The following SYNPO variants were observed in gnomAD, a reference collection of about 807,000 sequenced individuals.
SYNPO encodes the protein synaptopodin.
Under a neutral mutation model 49.5 loss-of-function variants are expected in SYNPO, and 19 were observed. The ratio of observed to expected loss-of-function variants is 0.38; its 90% CI spans 0.27 to 0.56. SYNPO has a LOEUF of 0.56. Ranked by LOEUF, SYNPO falls within the 20% of genes least tolerant of loss-of-function variation. SYNPO has a pLI of 0.68. For missense variants in SYNPO, 1,131 were observed against 1,248.3 expected (o/e 0.91, Z 1.42); for synonymous variants, 536 against 548.0 (o/e 0.98, Z 0.31).
chr5:150,648,199 C>T lies in SYNPO; in HGVS notation c.-77C>T. ...CATGCACCGGGGCTCAGCCTGAGTT[C>T]CACCTCGCTGCCGGAGCCAGGCCCT... On this transcript the variant is annotated 5_prime_UTR_variant, in exon 2 of 3. Coordinates refer to ENST00000307662, the MANE Select transcript of SYNPO (RefSeq NM_007286.6). The surrounding 1 kb of genome is among the most constrained non-coding windows in gnomAD (Gnocchi z 5.0). 5.7e-6 allele frequency: 9 copies of T among 1,590,748 alleles called. No homozygotes were observed. Among genetic ancestry groups the T allele is most frequent in the Non-Finnish European group, 7.7e-6 (9 of 1,168,224 alleles).
Position 150,649,201 on chromosome 5 carries a change from G to T in SYNPO, c.926G>T (p.Arg309Ile), listed in dbSNP as rs773821500. The T allele has an allele frequency of 6.2e-7, 1 of 1,614,126 alleles. No individual in the cohort carries two copies. Among genetic ancestry groups the T allele is most frequent in the Non-Finnish European group, 8.5e-7 (1 of 1,180,016 alleles). ...MMGQRSPASE[R>I]RPLGNFTAPP... The stretch of plus-strand genomic sequence containing the variant: ...GGGCAGCGAAGCCCGGCCTCAGAGA[G>T]ACGCCCCTTGGGGAACTTCACTGCA... The change falls in exon 2 of 3, where the codon AGA becomes ATA. Residue 309 changes from arginine to isoleucine, a missense_variant. Around this residue, in one of 4 missense-constraint regions of SYNPO, gnomAD observed 602 missense variants for 720.7 expected, o/e 0.84. Coordinates refer to ENST00000307662, the MANE Select transcript of SYNPO (RefSeq NM_007286.6).
rs1290051125 is a variant in SYNPO at position 150,657,029 on chromosome 5, A to ATGGCAGCCTTCGGCTCAAGCG, written c.2664_2684dup (p.Arg889_Leu895dup). On this transcript the variant is annotated inframe_insertion, in exon 3 of 3. Coordinates refer to ENST00000307662, the MANE Select transcript of SYNPO (RefSeq NM_007286.6). The stretch of plus-strand genomic sequence containing the variant: ...TACAATATCTGTCCCCGCGGGTGGA[A>ATGGCAGCCTTCGGCTCAAGCG]TGGCAGCCTTCGGCTCAAGCGTGGC... 2.5e-6 allele frequency: 4 copies of ATGGCAGCCTTCGGCTCAAGCG among 1,600,336 alleles called. No individual in the cohort carries two copies. Among genetic ancestry groups the ATGGCAGCCTTCGGCTCAAGCG allele is most frequent in the Non-Finnish European group, 2.6e-6 (3 of 1,174,050 alleles).
At chr5:150,590,807 C>T in the SYNPO span, among the ~76,000 whole-genome samples, 10 of 152,138 alleles carry the variant, frequency 6.6e-5, no homozygotes, top group Non-Finnish European at 1.0e-4. Flanking sequence ...GGGCTGTTAT[C>T]GTTGTTGCTG....
exon 1 of SYNPO, chr5:150,601,082 A>T (rs1354239691): frequency 6.6e-6 from 1 of 152,174 alleles, no homozygotes; most frequent in African/African-American, 2.4e-5. Context: ...CTCCAGACAG[A>T]GCGCGAGTGA....
intron 1 of SYNPO, among the ~76,000 whole-genome samples, chr5:150,643,982 C>T (rs565130715): frequency 1.3e-5 from 2 of 151,894 alleles, no homozygotes; most frequent in South Asian, 4.2e-4. Flanking sequence ...CAAGATCAGC[C>T]TGGGCAACAT....
Position 150,647,968 on chromosome 5 carries a change from C to G in SYNPO, c.-308C>G. ...GCGTTGGGCCGGAGCACTAGCCTCACGGAGAAGGATCTGAAAGAAGCCAAG... is the reference window on the plus strand; with the variant it reads ...GCGTTGGGCCGGAGCACTAGCCTCAGGGAGAAGGATCTGAAAGAAGCCAAG... On this transcript the variant is annotated 5_prime_UTR_variant, in exon 2 of 3. Coordinates refer to ENST00000307662, the MANE Select transcript of SYNPO (RefSeq NM_007286.6). 1 of 1,551,824 alleles carries G rather than the reference C, an allele frequency of 6.4e-7. No homozygotes were observed. The highest frequency in any genetic ancestry group is 8.7e-7 in the Non-Finnish European group (1 of 1,146,980).
At position 150,649,071 on chromosome 5, in the gene SYNPO, G is replaced by A; in HGVS notation, c.796G>A (p.Gly266Arg). 1.9e-6 allele frequency: 3 copies of A among 1,613,904 alleles called. No homozygotes were observed. Among genetic ancestry groups the A allele is most frequent in the Non-Finnish European group, 2.5e-6 (3 of 1,179,840 alleles). Reference protein sequence around the residue: ...RSPMLERRHFGEKAPAPQPPS... With the variant: ...RSPMLERRHFREKAPAPQPPS... ...CCCCATGCTAGAGAGACGACATTTT[G>A]GGGAGAAGGCCCCGGCTCCCCAGCC... The change falls in exon 2 of 3, where the codon GGG becomes AGG. Residue 266 changes from glycine (G) to arginine (R), a missense_variant. Gly to Arg is a moderately radical substitution (Grantham distance 125, BLOSUM62 -2). Transcript: ENST00000307662.
At chr5:150,587,193 T>TGGATGGATGGATGGATATAG in the SYNPO span, among the ~76,000 whole-genome samples, 16 of 152,010 alleles carry the variant, frequency 1.1e-4, no homozygotes, top group African/African-American at 3.9e-4. Flanking sequence ...TGTTAATGGA[T>TGGATGGATGGATGGATATAG]GGATGGATGG....
upstream of SYNPO, among the ~76,000 whole-genome samples, chr5:150,599,693 G>A (rs955822139): frequency 3.5e-4 from 54 of 152,346 alleles, no homozygotes; most frequent in Non-Finnish European, 6.5e-4. Context: ...TGTACTGTGA[G>A]CCTGGGGGTC....
At chr5:150,634,827 A>AACACACACACACACAC (rs202176402) in intron 2 of SYNPO, among the ~76,000 whole-genome samples, 1 of 124,688 alleles carries the variant, frequency 8.0e-6, no homozygotes, top group African/African-American at 3.5e-5. Flanking sequence ...CCCTGTCTAA[A>AACACACACACACACAC]ACACACACAC....
intron 1 of SYNPO, chr5:150,615,500 A>C (rs1756961256): frequency 6.6e-6 from 1 of 152,256 alleles, no homozygotes; most frequent in African/African-American, 2.4e-5. Flanking sequence ...TGGGTATCCA[A>C]GTGCTTAGAA....
the SYNPO span, among the ~76,000 whole-genome samples, chr5:150,592,644 A>G: frequency 2.6e-5 from 4 of 152,228 alleles, no homozygotes; most frequent in Non-Finnish European, 4.4e-5. Flanking sequence ...TAAGACAGCA[A>G]TCTTGGAGCC....
At chr5:150,604,476 G>A (rs543996206) in intron 1 of SYNPO, among the ~76,000 whole-genome samples, 1 of 152,118 alleles carries the variant, frequency 6.6e-6, no homozygotes, top group Non-Finnish European at 1.5e-5. Flanking sequence ...CTTTTTCCTG[G>A]GTTTGGTAGG....
chr5:150,606,912 G>A (rs1171715279), intron 1 of SYNPO, among the ~76,000 whole-genome samples: 5 of 152,144 alleles, frequency 3.3e-5, no homozygotes, highest in Non-Finnish European at 2.9e-5. Context: ...AGTATCTGAC[G>A]CCCTCACACT....
exon 2 of SYNPO, chr5:150,618,312 GCCCTGGCCCAGGCCCAGGAGCCTGCTT>G (rs1201646970): frequency 6.6e-7 from 1 of 1,504,620 alleles, no homozygotes; most frequent in African/African-American, 1.4e-5. Flanking sequence ...CCCAGCCCAG[GCCCTGGCCCAGGCCCAGGAGCCTGCTT>G]CCCTGCATCG....
At chr5:150,643,408 C>T (rs1757978131) in intron 1 of SYNPO, among the ~76,000 whole-genome samples, 1 of 152,238 alleles carries the variant, frequency 6.6e-6, no homozygotes, top group South Asian at 2.1e-4. Context: ...ATATTAGCTA[C>T]TATTGCTGCA....
rs934998325 is a variant in SYNPO at position 150,613,257 on chromosome 5, G to A, written c.-265-4846G>A. On this transcript the variant is annotated intron_variant, in intron 1 of 2. Coordinates refer to the SYNPO transcript ENST00000394243. ...GGCCTTGCAGTCATTTCCCCCAACC[G>A]TGTAGGGCTGCCCACCCCCCTACTT... is the stretch of plus-strand genomic sequence containing the variant. Among the ~76,000 whole-genome samples the A allele has an allele frequency of 2.6e-5, 4 of 152,054 alleles. No individual in the cohort carries two copies. The South Asian group carries it at 6.2e-4, about 24-fold the overall frequency.
At chr5:150,598,764 A>G (rs1248915209), upstream of SYNPO, among the ~76,000 whole-genome samples, 3 of 152,114 alleles carry the variant, frequency 2.0e-5, no homozygotes, top group Admixed American at 2.0e-4. Context: ...AACACAACTC[A>G]TGGACTTTCC....
At chr5:150,638,037 G>A (rs576509967), upstream of SYNPO, among the ~76,000 whole-genome samples, 67 of 148,682 alleles carry the variant, frequency 4.5e-4, no homozygotes, top group East Asian at 1.2e-3. Context: ...CAGTGGGTGT[G>A]TTCCTCTATC....
Sources: allele counts gnomAD v4.1 joint callset (sites outside exome capture counted in the v4.1 genomes callset), GRCh38; gene constraint gnomAD v4.1.1; regional missense constraint gnomAD v4.1.1; non-coding constraint Gnocchi (gnomAD v3.1); transcripts MANE v1.5; gene names NCBI Gene and HGNC (gene_info 2026-07-23, HGNC 2026-07-21).